The following MAPK8 variants were observed in gnomAD, a reference collection of about 807,000 sequenced individuals.
MAPK8 encodes the protein JUN N-terminal kinase.
In MAPK8, 13 loss-of-function variants were observed where a neutral mutation model predicts 52.9. The ratio of observed to expected loss-of-function variants is 0.25; its 90% CI spans 0.16 to 0.39. MAPK8 has a LOEUF of 0.39. MAPK8 is among the 10% of genes least tolerant of loss of function. MAPK8 has a pLI of 1.00. For synonymous variants in MAPK8, 191 were observed against 169.8 expected (o/e 1.12, Z -0.97); for missense variants, 300 against 519.2 (o/e 0.58, Z 4.10).
At chr10:48,343,816 G>A (rs1845520144) in intron 1 of MAPK8, among the ~76,000 whole-genome samples, 1 of 152,140 alleles carries the variant, frequency 6.6e-6, no homozygotes, top group Non-Finnish European at 1.5e-5. Flanking sequence ...AACAAAGAGG[G>A]CATTATTGTA....
intron 1 of MAPK8, among the ~76,000 whole-genome samples, chr10:48,310,571 T>G (rs1168116057): frequency 1.3e-5 from 2 of 152,286 alleles, no homozygotes; most frequent in East Asian, 3.9e-4. Flanking sequence ...AATGAGTTCA[T>G]TATCCTCAGG....
At chr10:48,365,487 T>G (rs894013133) in intron 1 of MAPK8, among the ~76,000 whole-genome samples, 1 of 152,188 alleles carries the variant, frequency 6.6e-6, no homozygotes, top group African/African-American at 2.4e-5. Flanking sequence ...TTGACTAGAT[T>G]TATTGCTATT....
intron 1 of MAPK8, among the ~76,000 whole-genome samples, chr10:48,329,649 G>A (rs931851066): frequency 4.1e-4 from 63 of 152,102 alleles, no homozygotes; most frequent in African/African-American, 1.5e-3. Context: ...TTTTATTGGT[G>A]TACATAGTTA....
chr10:48,376,526 C>A (rs968679390), intron 1 of MAPK8, among the ~76,000 whole-genome samples: 2 of 152,110 alleles, frequency 1.3e-5, no homozygotes, highest in African/African-American at 4.8e-5. Context: ...AGAACTTAAA[C>A]AAATTTACAA....
intron 7 of MAPK8, chr10:48,424,590 C>A: frequency 1.3e-6 from 2 of 1,569,760 alleles, no homozygotes; most frequent in African/African-American, 1.4e-5. Flanking sequence ...CAGATCGTAT[C>A]CTTATCTTTG....
chr10:48,419,317 A>G (rs570505686), intron 5 of MAPK8, among the ~76,000 whole-genome samples: 3 of 152,268 alleles, frequency 2.0e-5, no homozygotes, highest in South Asian at 4.1e-4. Context: ...AATACAGTGC[A>G]TTTGTGTTGT....
chr10:48,342,721 T>C (rs1051350144), intron 1 of MAPK8, among the ~76,000 whole-genome samples: 4 of 152,284 alleles, frequency 2.6e-5, no homozygotes, highest in African/African-American at 7.2e-5. Flanking sequence ...ATGGAATACA[T>C]GTTTCTACCG....
At chr10:48,327,707 C>G (rs766623785) in intron 1 of MAPK8, among the ~76,000 whole-genome samples, 1 of 152,120 alleles carries the variant, frequency 6.6e-6, no homozygotes, top group Admixed American at 6.5e-5. Flanking sequence ...TAAAACTGTT[C>G]AGGCCTGGTG....
chr10:48,434,915 A>C lies in MAPK8; in HGVS notation c.1170A>C (p.Pro390=), dbSNP rs773097055. 20 of 1,613,624 alleles carry C rather than the reference A, an allele frequency of 1.2e-5. No homozygotes were observed. Among genetic ancestry groups the C allele is most frequent in the Non-Finnish European group, 1.6e-5 (19 of 1,179,786 alleles). ...GAAVINGSQH[P]SSSSSVNDVS... is the part of the protein sequence containing the mutation. ...CAGTGATCAATGGCTCTCAGCATCC[A>C]TCATCATCGTCGTCTGTCAATGATG... The change falls in exon 12 of 12, where the codon CCA becomes CCC. Residue 390 remains proline, a synonymous_variant. Coordinates refer to ENST00000374189, the MANE Select transcript of MAPK8 (RefSeq NM_001323329.2).
chr10:48,380,212 A>AC (rs1443860912), intron 1 of MAPK8, among the ~76,000 whole-genome samples: 1 of 152,104 alleles, frequency 6.6e-6, no homozygotes, highest in Non-Finnish European at 1.5e-5. Flanking sequence ...ATTGTACTCC[A>AC]CCCTGGGCAA....
chr10:48,433,350 T>A (rs1448642918), intron 11 of MAPK8, among the ~76,000 whole-genome samples: 1 of 152,208 alleles, frequency 6.6e-6, no homozygotes, highest in Non-Finnish European at 1.5e-5. Flanking sequence ...CCTTTTATGG[T>A]TTGAATGTTT....
At chr10:48,382,564 C>T (rs1284908413) in intron 1 of MAPK8, among the ~76,000 whole-genome samples, 2 of 151,780 alleles carry the variant, frequency 1.3e-5, no homozygotes, top group Non-Finnish European at 2.9e-5. Context: ...AGAACAAGTT[C>T]AAGTTTATTG....
intron 1 of MAPK8, among the ~76,000 whole-genome samples, chr10:48,376,163 G>A (rs777195763): frequency 2.6e-5 from 4 of 152,158 alleles, no homozygotes; most frequent in East Asian, 1.9e-4. Context: ...AATAGATGGT[G>A]TTGGGAAAAC....
At chr10:48,413,111 A>G (rs957494149) in intron 5 of MAPK8, among the ~76,000 whole-genome samples, 2 of 152,218 alleles carry the variant, frequency 1.3e-5, no homozygotes, top group African/African-American at 4.8e-5. Flanking sequence ...ATGTTGTAGC[A>G]TATGTCAGAA....
chr10:48,369,001 A>G (rs1848313475), intron 1 of MAPK8, among the ~76,000 whole-genome samples: 1 of 152,034 alleles, frequency 6.6e-6, no homozygotes, highest in Non-Finnish European at 1.5e-5. Flanking sequence ...TCAGTTGTCT[A>G]CCCTTGGTTT....
chr10:48,310,529 G>A (rs949936364), intron 1 of MAPK8, among the ~76,000 whole-genome samples: 2 of 152,108 alleles, frequency 1.3e-5, no homozygotes, highest in African/African-American at 2.4e-5. Flanking sequence ...TAATGAGACC[G>A]TATGCTCCCA....
rs190819892 is a variant in MAPK8, at chr10:48,365,730, A to G, written c.-49-35882A>G. Among the ~76,000 whole-genome samples the G allele has an allele frequency of 1.7e-4, 26 of 152,258 alleles. No homozygotes were observed. In the East Asian group the frequency reaches 3.3e-3, roughly 19 times the overall value. On this transcript the variant is annotated intron_variant, in intron 1 of 11. Coordinates refer to ENST00000374189, the MANE Select transcript of MAPK8 (RefSeq NM_001323329.2). ...AAGCATATTGAATCCTAGCCATTTT[A>G]TTATTATTAGCTGTGTACCTAAATG...
chr10:48,386,766 G>A (rs984626264), intron 1 of MAPK8, among the ~76,000 whole-genome samples: 1 of 152,090 alleles, frequency 6.6e-6, no homozygotes, highest in Non-Finnish European at 1.5e-5. Context: ...GGAGTTCAAG[G>A]CCAGTGGGCC....
Position 48,330,728 on chromosome 10 carries a change from A to G in MAPK8, c.-50+23907A>G, listed in dbSNP as rs943136184. On this transcript the variant is annotated intron_variant, in intron 1 of 11. Transcript: ENST00000374189. ...CCCAGTTCCTCACTGGTCGAGTACT[A>G]TGGGGTTACAGTCTTCCCGGACGTT... Among the ~76,000 whole-genome samples the G allele has an allele frequency of 3.0e-4, 46 of 152,138 alleles. 1 individual carries two copies. The highest frequency in any genetic ancestry group is 1.2e-4 in the Non-Finnish European group (8 of 67,996).
Sources: gnomAD v4.1 joint callset for allele counts (sites outside exome capture counted in the v4.1 genomes callset) on GRCh38, gnomAD v4.1.1 for gene constraint, MANE v1.5 for transcripts, NCBI Gene and HGNC (gene_info 2026-07-23, HGNC 2026-07-21) for gene names.